MRPS25: variants seen among roughly 807,000 people sequenced by gnomAD.
MRPS25 encodes the protein mitochondrial ribosomal protein S25.
Under a neutral mutation model 17.3 loss-of-function variants are expected in MRPS25, and 15 were observed. The ratio of observed to expected loss-of-function variants is 0.87; its 90% CI spans 0.58 to 1.34. The LOEUF is 1.34. Among genes scored for constraint, MRPS25 ranks in the 40% most tolerant of loss-of-function variants. The pLI is 0.00. For synonymous variants in MRPS25, 94 were observed against 83.3 expected (o/e 1.13, Z -0.70); for missense variants, 225 against 218.6 (o/e 1.03, Z -0.19).
chr3:15,053,922 C>G (rs1305741528), intron 2 of MRPS25, among the ~76,000 whole-genome samples: 1 of 152,148 alleles, frequency 6.6e-6, no homozygotes, highest in African/African-American at 2.4e-5. Context: ...TTCAAATTTA[C>G]AATAAATTGA....
intron 2 of MRPS25, among the ~76,000 whole-genome samples, 181 bp downstream of exon 2, chr3:15,059,188 A>C (rs550819489): frequency 2.0e-5 from 3 of 152,164 alleles, no homozygotes; most frequent in Admixed American, 6.5e-5. Flanking sequence ...CTGGAGAGGG[A>C]AAGAGTCCAG....
intron 1 of MRPS25, among the ~76,000 whole-genome samples, chr3:15,060,738 C>T (rs1031871618): frequency 2.0e-5 from 3 of 151,676 alleles, no homozygotes; most frequent in African/African-American, 4.8e-5. Context: ...AAAAATTAGC[C>T]GGCGTGGTGG....
At chr3:15,062,628 G>T (rs1193031728) in intron 1 of MRPS25, among the ~76,000 whole-genome samples, 4 of 152,176 alleles carry the variant, frequency 2.6e-5, no homozygotes, top group Middle Eastern at 3.2e-3. Context: ...GAATAGAAAG[G>T]GGGGAAAGGT....
chr3:15,042,619 G>GAAC (rs1203250948), downstream of MRPS25: 1 of 470,940 alleles, frequency 2.1e-6, no homozygotes. Flanking sequence ...AGAGTGAAGG[G>GAAC]AACACATCTG....
Position 15,050,642 on chromosome 3 carries a change from C to T in MRPS25, c.*1799G>A. Reference sequence around the variant, plus strand: ...TGGGAGGGCTCTCTGTGGAGGAGAGCTTTTTCCACCCAGCCAAAATGCTGA... The same window carrying T: ...TGGGAGGGCTCTCTGTGGAGGAGAGTTTTTTCCACCCAGCCAAAATGCTGA... On this transcript the variant is annotated 3_prime_UTR_variant, in exon 4 of 4. Transcript: ENST00000253686. 1 of 985,352 alleles carries T rather than the reference C, an allele frequency of 1.0e-6. No individual in the cohort carries two copies. Among genetic ancestry groups the T allele is most frequent in the South Asian group, 4.7e-5 (1 of 21,290 alleles). The allele number at this position is 985,352 out of a possible 1,614,324, so 61.0% of individuals were successfully genotyped here. A position where few individuals can be genotyped will look rare whatever the true frequency, so the allele number is the denominator to read the frequency against.
In MRPS25 at chr3:15,052,387, C is replaced by A; in HGVS notation, c.*54G>T. On this transcript the variant is annotated 3_prime_UTR_variant, in exon 4 of 4. Coordinates refer to ENST00000253686, the MANE Select transcript of MRPS25 (RefSeq NM_022497.5). ...TTCCCTGGGCCAAAGTAATCCCATTCCAATCTCCCCACTGGTCAGACACCA... is the reference window on the plus strand; with the variant it reads ...TTCCCTGGGCCAAAGTAATCCCATTACAATCTCCCCACTGGTCAGACACCA... The A allele has an allele frequency of 6.4e-7, 1 of 1,565,186 alleles. No individual in the cohort carries two copies. Among genetic ancestry groups the A allele is most frequent in the Admixed American group, 1.9e-5 (1 of 53,314 alleles).
In MRPS25 at chr3:15,065,116, C is replaced by G; in HGVS notation, c.79G>C (p.Val27Leu). The part of the protein sequence containing the change: ...SQGNVVFKDS[V>L]KVMTVNYNTH... Reference sequence around the variant, plus strand: ...TTGTAATTCACTGTCATGACCTTCACGGAGTCCTTGAACACCACGTTCCCC... The same window carrying G: ...TTGTAATTCACTGTCATGACCTTCAGGGAGTCCTTGAACACCACGTTCCCC... The change falls in exon 1 of 4, where the codon GTG becomes CTG. Residue 27 changes from valine (V) to leucine (L), a missense_variant. Val to Leu is a conservative substitution (Grantham distance 32). Coordinates refer to ENST00000253686, the MANE Select transcript of MRPS25 (RefSeq NM_022497.5). The G allele has an allele frequency of 1.2e-6, 2 of 1,609,170 alleles. No homozygotes were observed. The highest frequency in any genetic ancestry group is 1.7e-6 in the Non-Finnish European group (2 of 1,178,054).
At position 15,050,946 on chromosome 3, in the gene MRPS25, G is replaced by T; in HGVS notation, c.*1495C>A. The stretch of plus-strand genomic sequence containing the variant: ...GCCAGCTACTTCATGTGGCAGAAAA[G>T]GTAACCTTTTCCCCATTTTACAGAC... On this transcript the variant is annotated 3_prime_UTR_variant, in exon 4 of 4. Coordinates refer to ENST00000253686, the MANE Select transcript of MRPS25 (RefSeq NM_022497.5). 2 of 985,378 alleles carry T rather than the reference G, an allele frequency of 2.0e-6. No individual in the cohort carries two copies. Among genetic ancestry groups the T allele is most frequent in the Non-Finnish European group, 2.4e-6 (2 of 829,926 alleles). 61.0% of individuals were successfully genotyped at this position (985,378 alleles called of 1,614,324 possible). A position where few individuals can be genotyped will look rare whatever the true frequency, so the allele number is the denominator to read the frequency against.
Position 15,050,392 on chromosome 3 carries a change from G to C in MRPS25, c.*2049C>G, listed in dbSNP as rs1318310602. On this transcript the variant is annotated 3_prime_UTR_variant, in exon 4 of 4. Coordinates refer to ENST00000253686, the MANE Select transcript of MRPS25 (RefSeq NM_022497.5). Reference sequence around the variant, plus strand: ...TAGAGAATGGTCACCACTCCTTTTGGTTCAGGACATTCCTGCTGGTTAGCA... The same window carrying C: ...TAGAGAATGGTCACCACTCCTTTTGCTTCAGGACATTCCTGCTGGTTAGCA... 4 of 1,014,098 alleles carry C rather than the reference G, an allele frequency of 3.9e-6. No homozygotes were observed. In the South Asian group the frequency reaches 1.6e-4, roughly 40 times the overall value. 62.8% of individuals were successfully genotyped at this position (1,014,098 alleles called of 1,614,324 possible).
At chr3:15,061,990 G>A (rs1423820431) in intron 1 of MRPS25, among the ~76,000 whole-genome samples, 19 of 147,880 alleles carry the variant, frequency 1.3e-4, no homozygotes, top group Non-Finnish European at 1.5e-5. Context: ...CAGCCGCCCC[G>A]TCTGGGAAGT....
At position 15,065,235 on chromosome 3, in the gene MRPS25, C is replaced by G. The variant is rs572844123; in HGVS notation, c.-41G>C. On this transcript the variant is annotated 5_prime_UTR_variant, in exon 1 of 4. Transcript: ENST00000253686. ...GGGGCCGACCCCACGGGCCGCGAGC[C>G]GAGCAGCGACGAGAAAGGACTAGCT... The G allele has an allele frequency of 1.1e-5, 17 of 1,547,436 alleles. No individual in the cohort carries two copies. The East Asian group carries it at 3.6e-4, about 33-fold the overall frequency.
In MRPS25 at chr3:15,050,411, G is replaced by A; in HGVS notation, c.*2030C>T. The stretch of plus-strand genomic sequence containing the variant: ...CTTTTGGTTCAGGACATTCCTGCTG[G>A]TTAGCAGCCTCTTTGGGCCCTAGAG... On this transcript the variant is annotated 3_prime_UTR_variant, in exon 4 of 4. Coordinates refer to ENST00000253686, the MANE Select transcript of MRPS25 (RefSeq NM_022497.5). 1 of 1,003,196 alleles carries A rather than the reference G, an allele frequency of 1.0e-6. No homozygotes were observed. The highest frequency in any genetic ancestry group is 1.2e-6 in the Non-Finnish European group (1 of 842,776). 62.1% of individuals were successfully genotyped at this position (1,003,196 alleles called of 1,614,324 possible).
downstream of MRPS25, chr3:15,043,097 ATAT>A (rs562207621): frequency 1.8e-4 from 222 of 1,255,712 alleles, 2 homozygotes; most frequent in South Asian, 3.8e-3. Context: ...GTATGTGCAA[ATAT>A]TTCCATATGT....
chr3:15,049,976 G>T lies in MRPS25; in HGVS notation c.*2465C>A. ...AGTGGTCACTTCAGAATAAGGCTGTGAACACTGCTTGTGCAAGTAAAATTA... is the reference window on the plus strand; with the variant it reads ...AGTGGTCACTTCAGAATAAGGCTGTTAACACTGCTTGTGCAAGTAAAATTA... On this transcript the variant is annotated 3_prime_UTR_variant, in exon 4 of 4. Transcript: ENST00000253686. 6.7e-7 allele frequency: 1 copy of T among 1,494,040 alleles called. No homozygotes were observed. Among genetic ancestry groups the T allele is most frequent in the South Asian group, 1.3e-5 (1 of 75,186 alleles). The allele number at this position is 1,494,040 out of a possible 1,614,324, so 92.5% of individuals were successfully genotyped here.
At position 15,050,734 on chromosome 3, in the gene MRPS25, A is replaced by G. The variant is rs1249003754; in HGVS notation, c.*1707T>C. The stretch of plus-strand genomic sequence containing the variant: ...TTTGTAAGTCTGTCACTCAAGGAAC[A>G]CCTGTCCATTATACATCAGTCTCTG... On this transcript the variant is annotated 3_prime_UTR_variant, in exon 4 of 4. Transcript: ENST00000253686. 2.0e-6 allele frequency: 2 copies of G among 985,264 alleles called. No individual in the cohort carries two copies. The highest frequency in any genetic ancestry group is 3.5e-5 in the African/African-American group (2 of 57,192). The allele number at this position is 985,264 out of a possible 1,614,324, so 61.0% of individuals were successfully genotyped here. A position where few individuals can be genotyped will look rare whatever the true frequency, so the allele number is the denominator to read the frequency against.
In MRPS25 at chr3:15,050,840, A is replaced by AAAAG; in HGVS notation, c.*1597_*1600dup. On this transcript the variant is annotated 3_prime_UTR_variant, in exon 4 of 4. Coordinates refer to ENST00000253686, the MANE Select transcript of MRPS25 (RefSeq NM_022497.5). ...AGAATCAAACTTGAGCATCAAATGTAAAAGATCCAAATCTGCTCAATTTAA... is the reference window on the plus strand; with the variant it reads ...AGAATCAAACTTGAGCATCAAATGTAAAAGAAAGATCCAAATCTGCTCAATTTAA... 1.0e-6 allele frequency: 1 copy of AAAAG among 985,466 alleles called. No individual in the cohort carries two copies. Among genetic ancestry groups the AAAAG allele is most frequent in the Non-Finnish European group, 1.2e-6 (1 of 829,942 alleles). The allele number at this position is 985,466 out of a possible 1,614,324, so 61.0% of individuals were successfully genotyped here.
intron 2 of MRPS25, among the ~76,000 whole-genome samples, chr3:15,056,718 G>A (rs1006290846): frequency 6.6e-6 from 1 of 152,256 alleles, no homozygotes; most frequent in Non-Finnish European, 1.5e-5. Flanking sequence ...GCTGACACTG[G>A]TTCCAGCCCA....
In MRPS25 at chr3:15,051,707, A is replaced by ATGTCTCCACTAGGTGG; in HGVS notation, c.*718_*733dup. ...ACACCATCCCCCCAGCAGGGCCCCA[A>ATGTCTCCACTAGGTGG]TGTCTCCACTAGGTGGTGTCTCCTC... On this transcript the variant is annotated 3_prime_UTR_variant, in exon 4 of 4. Transcript: ENST00000253686. 1 of 985,352 alleles carries ATGTCTCCACTAGGTGG rather than the reference A, an allele frequency of 1.0e-6. No individual in the cohort carries two copies. The highest frequency in any genetic ancestry group is 1.2e-6 in the Non-Finnish European group (1 of 830,056). The allele number at this position is 985,352 out of a possible 1,614,324, so 61.0% of individuals were successfully genotyped here.
intron 2 of MRPS25, among the ~76,000 whole-genome samples, chr3:15,056,752 C>G (rs978616454): frequency 6.6e-6 from 1 of 152,254 alleles, no homozygotes; most frequent in Non-Finnish European, 1.5e-5. Flanking sequence ...ACCCACAGAT[C>G]TGCAAGACAA....
Sources: allele counts gnomAD v4.1 joint callset (sites outside exome capture counted in the v4.1 genomes callset), GRCh38; gene constraint gnomAD v4.1.1; transcripts MANE v1.5; gene names NCBI Gene and HGNC (gene_info 2026-07-23, HGNC 2026-07-21).